MED13L: variants seen among roughly 807,000 people sequenced by gnomAD.
MED13L encodes the protein mediator complex subunit 13L.
In MED13L, 7 loss-of-function variants were observed where a neutral mutation model predicts 220.9. The observed-to-expected ratio is 0.03, with a 90% CI of 0.02 to 0.06. The LOEUF (loss-of-function observed/expected upper bound fraction) is 0.06. Among genes scored for constraint, MED13L ranks in the 10% least tolerant of loss-of-function variants. MED13L has a pLI of 1.00. For missense variants in MED13L, 1,965 were observed against 2,760.5 expected (o/e 0.71, Z 6.46); for synonymous variants, 1,011 against 1,015.2 (o/e 1.00, Z 0.08).
At chr12:116,057,676 T>C (rs1869087586) in intron 4 of MED13L, among the ~76,000 whole-genome samples, 2 of 151,706 alleles carry the variant, frequency 1.3e-5, no homozygotes, top group South Asian at 4.2e-4. Flanking sequence ...GACATGGAGA[T>C]AGACAGCCCT....
intron 1 of MED13L, among the ~76,000 whole-genome samples, chr12:116,253,404 A>C (rs1344995348): frequency 6.6e-6 from 1 of 152,134 alleles, no homozygotes; most frequent in East Asian, 1.9e-4. Context: ...AGTCCTGCAC[A>C]AACTCTTTCA....
chr12:116,154,878 T>A (rs1878305345), intron 2 of MED13L, among the ~76,000 whole-genome samples: 2 of 152,142 alleles, frequency 1.3e-5, no homozygotes, highest in Admixed American at 6.6e-5. Flanking sequence ...CAGGCTGGAA[T>A]GCAGCTGGCA....
At chr12:116,063,312 A>G (rs1299124122) in intron 4 of MED13L, among the ~76,000 whole-genome samples, 1 of 152,180 alleles carries the variant, frequency 6.6e-6, no homozygotes, top group East Asian at 1.9e-4. Flanking sequence ...GGAGTTCAAG[A>G]CCAGCCTGGG....
chr12:116,085,067 A>C (rs185018150), intron 4 of MED13L, among the ~76,000 whole-genome samples: 2 of 152,298 alleles, frequency 1.3e-5, no homozygotes. Flanking sequence ...AAGAGTACAT[A>C]ATTATCCCTG....
At chr12:116,020,854 C>A (rs1331458492) in intron 5 of MED13L, among the ~76,000 whole-genome samples, 1 of 152,048 alleles carries the variant, frequency 6.6e-6, no homozygotes, top group Non-Finnish European at 1.5e-5. Context: ...AAAAACTCAG[C>A]ATGGTCATTA....
At chr12:116,146,841 C>A (rs1272151055) in intron 2 of MED13L, among the ~76,000 whole-genome samples, 1 of 151,758 alleles carries the variant, frequency 6.6e-6, no homozygotes, top group Non-Finnish European at 1.5e-5. Context: ...GCACTCCAGC[C>A]TGGGCAACAG....
At chr12:116,221,056 T>G (rs1373099571) in intron 2 of MED13L, among the ~76,000 whole-genome samples, 1 of 151,972 alleles carries the variant, frequency 6.6e-6, no homozygotes, top group African/African-American at 2.4e-5. Flanking sequence ...AAAAATGAGT[T>G]TAATAAACAC....
intron 2 of MED13L, among the ~76,000 whole-genome samples, chr12:116,128,814 A>G (rs767939219): frequency 6.6e-6 from 1 of 152,226 alleles, no homozygotes; most frequent in Non-Finnish European, 1.5e-5. Flanking sequence ...GCATGTAAAC[A>G]AGAATAGGGC....
intron 2 of MED13L, among the ~76,000 whole-genome samples, chr12:116,185,652 G>GCTTTT (rs11274833): frequency 0.012 from 1,710 of 139,964 alleles, 32 homozygotes; most frequent in African/African-American, 0.015. Context: ...TTCATCACAT[G>GCTTTT]CTTTTCTTTT....
intron 30 of MED13L, among the ~76,000 whole-genome samples, chr12:115,961,832 G>A (rs890172223): frequency 8.5e-5 from 13 of 152,156 alleles, no homozygotes; most frequent in Admixed American, 5.9e-4. Context: ...TTAGTCAGGC[G>A]TGGTGGTGCA....
intron 2 of MED13L, among the ~76,000 whole-genome samples, chr12:116,170,608 G>GTTT (rs869277948): frequency 2.5e-4 from 31 of 124,490 alleles, no homozygotes; most frequent in African/African-American, 8.8e-4. Flanking sequence ...TTTTTTTTTT[G>GTTT]TTTTTTTTTT....
intron 4 of MED13L, among the ~76,000 whole-genome samples, chr12:116,073,655 T>A (rs1379350857): frequency 6.6e-6 from 1 of 152,226 alleles, no homozygotes; most frequent in Non-Finnish European, 1.5e-5. Flanking sequence ...CAAAATCTAT[T>A]ATTGAGGAAG....
chr12:116,143,269 G>T (rs772888446), intron 2 of MED13L, among the ~76,000 whole-genome samples: 2 of 151,568 alleles, frequency 1.3e-5, no homozygotes, highest in African/African-American at 2.4e-5. Context: ...AGCACTCAGG[G>T]AGGCCGAGGC....
At chr12:116,120,816 ACTATCT>A (rs1875031955) in intron 2 of MED13L, among the ~76,000 whole-genome samples, 1 of 152,166 alleles carries the variant, frequency 6.6e-6, no homozygotes, top group Non-Finnish European at 1.5e-5. Flanking sequence ...TAGCAAAAAG[ACTATCT>A]CTATAGACTA....
chr12:116,005,762 A>T, intron 13 of MED13L, 107 bp downstream of exon 13: 2 of 1,396,674 alleles, frequency 1.4e-6, no homozygotes, highest in East Asian at 2.3e-5. Flanking sequence ...AACCTGAAAT[A>T]AGAGCCCCCA....
chr12:116,102,699 TTTTCTTTTTTC>T (rs1565878466), intron 3 of MED13L, among the ~76,000 whole-genome samples: 4 of 90,986 alleles, frequency 4.4e-5, no homozygotes, highest in South Asian at 8.0e-4. Context: ...TTCTTTTTCT[TTTTCTTTTTTC>T]TTTTTTTTTT....
intron 4 of MED13L, among the ~76,000 whole-genome samples, chr12:116,090,405 T>C (rs2137785596): frequency 6.6e-6 from 1 of 152,290 alleles, no homozygotes; most frequent in South Asian, 2.1e-4. Context: ...TTTCCAACTC[T>C]TGGGAAGAAT....
intron 1 of MED13L, among the ~76,000 whole-genome samples, chr12:116,272,114 G>C (rs1190320514): frequency 1.3e-5 from 2 of 152,038 alleles, no homozygotes; most frequent in South Asian, 2.1e-4. Flanking sequence ...TATGTAAATA[G>C]TAATATTTAC....
chr12:115,963,979 CAGA>C (rs1220766426), intron 29 of MED13L, among the ~76,000 whole-genome samples: 3 of 151,948 alleles, frequency 2.0e-5, no homozygotes, highest in Non-Finnish European at 4.4e-5. Flanking sequence ...CCCAGCTACT[CAGA>C]AGGCTGAAGC....
Sources: gnomAD v4.1 joint callset for allele counts (sites outside exome capture counted in the v4.1 genomes callset) on GRCh38, gnomAD v4.1.1 for gene constraint, MANE v1.5 for transcripts, NCBI Gene and HGNC (gene_info 2026-07-23, HGNC 2026-07-21) for gene names.